Variants in CNN2 observed in about 807,000 individuals in gnomAD.
The protein encoded by CNN2 is calponin 2, also known as calponin-2.
CNN2 carries 21 observed loss-of-function variants against 31.0 expected under a neutral mutation model. The observed-to-expected ratio is 0.68, with a 90% CI of 0.48 to 0.98. The LOEUF (loss-of-function observed/expected upper bound fraction) is 0.98. CNN2 is among the 50% of genes least tolerant of loss of function. CNN2 has a pLI of 0.00. For synonymous variants in CNN2, 165 were observed against 179.6 expected (o/e 0.92, Z 0.65); for missense variants, 399 against 427.3 (o/e 0.93, Z 0.58).
intron 1 of CNN2, among the ~76,000 whole-genome samples, chr19:1,028,510 G>C (rs1351224429): frequency 6.6e-6 from 1 of 152,146 alleles, no homozygotes; most frequent in East Asian, 1.9e-4. Context: ...CCGCTTCCCC[G>C]TGGCTCAGTT....
Position 1,037,969 on chromosome 19 carries a change from C to CTT in CNN2, c.*82_*83dup, listed in dbSNP as rs60469398. ...TTTTTGGGTTTTTCTGTGTTTTCAT[C>CTT]TTTTTTTTTTTTTTCTTAACCCGTT... On this transcript the variant is annotated 3_prime_UTR_variant, in exon 7 of 7. Transcript: ENST00000263097. The CTT allele has an allele frequency of 0.069, 80,203 of 1,166,868 alleles. 113 individuals are homozygous for CTT. The highest frequency in any genetic ancestry group is 0.1 in the South Asian group (5,752 of 57,732). The allele number at this position is 1,166,868 out of a possible 1,614,324, so 72.3% of individuals were successfully genotyped here.
chr19:1,035,405 C>T (rs2039565136), intron 4 of CNN2, among the ~76,000 whole-genome samples: 1 of 152,098 alleles, frequency 6.6e-6, no homozygotes, highest in Non-Finnish European at 1.5e-5. Flanking sequence ...CCCCCTGTGG[C>T]TCCCAGTAAC....
chr19:1,033,283 C>T (rs993906710), intron 4 of CNN2, among the ~76,000 whole-genome samples: 4 of 151,656 alleles, frequency 2.6e-5, no homozygotes, highest in Admixed American at 6.6e-5. Context: ...TTTGGGAGGC[C>T]GAGGTTGGAG....
In CNN2 at chr19:1,026,692, T is replaced by G; in HGVS notation, c.31T>G (p.Ser11Ala). Residue 11 changes from serine (S) to alanine (A), a missense_variant, in exon 1 of 7, where the codon TCG (serine) becomes GCG (alanine). By Grantham distance (99) the Ser-to-Ala change is moderately conservative. Coordinates refer to ENST00000263097, the MANE Select transcript of CNN2 (RefSeq NM_004368.4). MSSTQFNKGP[S>A]YGLSAEVKNR... ...CTCCACGCAGTTCAACAAGGGCCCC[T>G]CGTACGGGCTGTCGGCCGAGGTCAA... The G allele has an allele frequency of 6.5e-7, 1 of 1,549,546 alleles. No individual in the cohort carries two copies. The highest frequency in any genetic ancestry group is 8.7e-7 in the Non-Finnish European group (1 of 1,147,164).
At position 1,036,248 on chromosome 19, in the gene CNN2, T is replaced by C; in HGVS notation, c.507+2T>C. On this transcript the variant is annotated splice_donor_variant, in intron 5 of 6. Coordinates refer to ENST00000263097, the MANE Select transcript of CNN2 (RefSeq NM_004368.4). LOFTEE classifies it high-confidence loss of function. ...GGCCAGTGCGTCATCGGGCTGCAGG[T>C]GGGCGACAGCTCCCCCAGCCCCAGG... 6.3e-7 allele frequency: 1 copy of C among 1,577,970 alleles called. No homozygotes were observed. Among genetic ancestry groups the C allele is most frequent in the South Asian group, 1.2e-5 (1 of 85,732 alleles).
intron 2 of CNN2, among the ~76,000 whole-genome samples, chr19:1,031,620 A>T (rs946561896): frequency 8.0e-5 from 11 of 137,180 alleles, no homozygotes; most frequent in African/African-American, 1.6e-4. Flanking sequence ...TAAATAAATA[A>T]TTTTTTTTTT....
Position 1,026,715 on chromosome 19 carries a change from CA to C in CNN2, c.56del (p.Lys19ArgfsTer36). 1 of 1,551,204 alleles carries C rather than the reference CA, an allele frequency of 6.4e-7. No homozygotes were observed. Among genetic ancestry groups the C allele is most frequent in the Non-Finnish European group, 8.7e-7 (1 of 1,147,894 alleles). The stretch of plus-strand genomic sequence containing the variant: ...CCTCGTACGGGCTGTCGGCCGAGGT[CA>C]AGAACCGGGTGAGTGAGGGGCGCCC... ...GPSYGLSAEV[K>X]NRLLSKYDPQ... is the part of the protein sequence containing the mutation. On this transcript the variant is annotated frameshift_variant, in exon 1 of 7. Transcript: ENST00000263097. LOFTEE classifies it high-confidence loss of function.
chr19:1,035,217 C>T (rs150352679), intron 4 of CNN2, among the ~76,000 whole-genome samples: 5 of 46,198 alleles, frequency 1.1e-4, no homozygotes, highest in Non-Finnish European at 1.9e-4. Context: ...TGGTGTAGAC[C>T]GGGAGCGTGG....
intron 4 of CNN2, 90 bp downstream of exon 4, chr19:1,032,786 T>G: frequency 9.6e-7 from 1 of 1,044,378 alleles, no homozygotes; most frequent in Non-Finnish European, 1.4e-6. Context: ...AATTTCTGTT[T>G]GTTTATTTTT....
At position 1,037,983 on chromosome 19, in the gene CNN2, T is replaced by C. The variant is rs1484043661; in HGVS notation, c.*83T>C. ...TGTGTTTTCATCTTTTTTTTTTTTT[T>C]CTTAACCCGTTCAGTGCTGCCAGTC... On this transcript the variant is annotated 3_prime_UTR_variant, in exon 7 of 7. Transcript: ENST00000263097. The C allele has an allele frequency of 8.9e-6, 12 of 1,346,158 alleles. No homozygotes were observed. The highest frequency in any genetic ancestry group is 1.1e-5 in the Non-Finnish European group (11 of 1,004,548). The allele number at this position is 1,346,158 out of a possible 1,614,324, so 83.4% of individuals were successfully genotyped here.
intron 5 of CNN2, 82 bp downstream of exon 5, chr19:1,036,328 G>A (rs779082415): frequency 2.1e-5 from 33 of 1,575,204 alleles, no homozygotes; most frequent in African/African-American, 5.4e-5. Context: ...GGGGGACAGC[G>A]GCATGGAGCC....
Position 1,032,801 on chromosome 19 carries a change from C to T in CNN2, c.390+105C>T, listed in dbSNP as rs1248350844. The T allele has an allele frequency of 1.6e-5, 14 of 879,524 alleles. No homozygotes were observed. The Admixed American group carries it at 1.7e-4, about 11-fold the overall frequency. 54.5% of individuals were successfully genotyped at this position (879,524 alleles called of 1,614,324 possible). A position where few individuals can be genotyped will look rare whatever the true frequency, so the allele number is the denominator to read the frequency against. ...AATTTCTGTTTGTTTATTTTTGAGT[C>T]GGAGTCTCACTCTGTCACTCAGGCT... On this transcript the variant is annotated intron_variant, in intron 4 of 6. Transcript: ENST00000263097.
chr19:1,032,425 C>A lies in CNN2; in HGVS notation c.219C>A (p.Pro73=). Residue 73 remains proline (P), a synonymous_variant, in exon 3 of 7, where the codon CCC becomes CCA. Coordinates refer to ENST00000263097, the MANE Select transcript of CNN2 (RefSeq NM_004368.4). ...ACAAGCTACAGCCGGGCTCCGTCCC[C>A]AAGATCAACCGCTCCATGCAGAACT... The part of the protein sequence containing the change: ...LMNKLQPGSV[P]KINRSMQNWH... The A allele has an allele frequency of 6.2e-7, 1 of 1,613,686 alleles. No individual in the cohort carries two copies. The highest frequency in any genetic ancestry group is 1.3e-5 in the African/African-American group (1 of 75,028).
Position 1,037,946 on chromosome 19 carries a change from T to A in CNN2, c.*46T>A, listed in dbSNP as rs1279392731. On this transcript the variant is annotated 3_prime_UTR_variant, in exon 7 of 7. Transcript: ENST00000263097. ...CCCACATCGTCTGCCCATCTGGGTTTTTGGGTTTTTCTGTGTTTTCATCTT... is the reference window on the plus strand; with the variant it reads ...CCCACATCGTCTGCCCATCTGGGTTATTGGGTTTTTCTGTGTTTTCATCTT... 1 of 1,503,928 alleles carries A rather than the reference T, an allele frequency of 6.6e-7. No homozygotes were observed. Among genetic ancestry groups the A allele is most frequent in the Non-Finnish European group, 8.9e-7 (1 of 1,126,876 alleles). The allele number at this position is 1,503,928 out of a possible 1,614,324, so 93.2% of individuals were successfully genotyped here.
chr19:1,030,973 C>T, intron 1 of CNN2, 98 bp from the exon 2 acceptor site: 15 of 1,429,090 alleles, frequency 1.0e-5, no homozygotes, highest in Non-Finnish European at 1.4e-5. Flanking sequence ...TCTGCTGTTG[C>T]CCTGGAGTCC....
In CNN2 at chr19:1,036,443, T is replaced by A; in HGVS notation, c.535T>A (p.Ser179Thr). 1 of 1,611,752 alleles carries A rather than the reference T, an allele frequency of 6.2e-7. No individual in the cohort carries two copies. Among genetic ancestry groups the A allele is most frequent in the Non-Finnish European group, 8.5e-7 (1 of 1,178,668 alleles). The change falls in exon 6 of 7, where the codon TCG becomes ACG. Residue 179 changes from serine (S) to threonine (T), a missense_variant. Coordinates refer to ENST00000263097, the MANE Select transcript of CNN2 (RefSeq NM_004368.4). Reference protein sequence around the residue: ...QMGTNKCASQSGMTAYGTRRH... With the variant: ...QMGTNKCASQTGMTAYGTRRH... ...GGGCACCAACAAATGCGCCAGCCAGTCGGGCATGACTGCCTACGGCACGAG... is the reference window on the plus strand; with the variant it reads ...GGGCACCAACAAATGCGCCAGCCAGACGGGCATGACTGCCTACGGCACGAG...
chr19:1,036,403 A>G lies in CNN2; in HGVS notation c.508-13A>G, dbSNP rs200874863. 9 of 1,611,916 alleles carry G rather than the reference A, an allele frequency of 5.6e-6. No individual in the cohort carries two copies. The Admixed American group carries it at 8.3e-5, about 15-fold the overall frequency. Reference sequence around the variant, plus strand: ...TGGGTGCAGTCTGACCTCTCCCACGAACCTCCCTGCAGATGGGCACCAACA... The same window carrying G: ...TGGGTGCAGTCTGACCTCTCCCACGGACCTCCCTGCAGATGGGCACCAACA... On this transcript the variant is annotated splice_polypyrimidine_tract_variant and intron_variant, in intron 5 of 6. Coordinates refer to ENST00000263097, the MANE Select transcript of CNN2 (RefSeq NM_004368.4).
intron 4 of CNN2, among the ~76,000 whole-genome samples, chr19:1,035,762 A>T (rs1214784670): frequency 6.6e-6 from 1 of 152,152 alleles, no homozygotes; most frequent in Non-Finnish European, 1.5e-5. Context: ...TCTCTACTAA[A>T]AATACAAAAA....
intron 4 of CNN2, 113 bp from the exon 5 acceptor site, chr19:1,036,017 G>A (rs559668276): frequency 2.9e-5 from 41 of 1,431,278 alleles, no homozygotes; most frequent in Middle Eastern, 1.8e-4. Flanking sequence ...GGGGCTCTGC[G>A]CGGCAGGCAG....
Sources: allele counts gnomAD v4.1 joint callset (sites outside exome capture counted in the v4.1 genomes callset), GRCh38; gene constraint gnomAD v4.1.1; transcripts MANE v1.5; gene names NCBI Gene and HGNC (gene_info 2026-07-23, HGNC 2026-07-21).